THAP3: variants seen among roughly 807,000 people sequenced by gnomAD.
THAP3 encodes the protein THAP domain containing 3.
In THAP3, 12 loss-of-function variants were observed where a neutral mutation model predicts 17.7. That is an observed-to-expected ratio of 0.68 (90% CI 0.43 to 1.10). THAP3 has a LOEUF of 1.10. THAP3 is among the 50% of genes least tolerant of loss of function. THAP3 has a pLI of 0.00. For missense variants in THAP3, 289 were observed against 318.0 expected (o/e 0.91, Z 0.69); for synonymous variants, 133 against 126.9 (o/e 1.05, Z -0.32).
chr1:6,632,547 C>T, intron 5 of THAP3, 52 bp downstream of exon 5: 1 of 1,609,432 alleles, frequency 6.2e-7, no homozygotes, highest in Non-Finnish European at 8.5e-7. Context: ...TGACTTGCTC[C>T]AAACAAAATG....
chr1:6,632,669 T>C (rs1292610204), intron 5 of THAP3, 127 bp from the exon 6 acceptor site: 2 of 1,449,738 alleles, frequency 1.4e-6, no homozygotes, highest in Non-Finnish European at 1.9e-6. Flanking sequence ...CATCTGGATT[T>C]TGGGGGAGCA....
intron 1 of THAP3, 33 bp downstream of exon 1, chr1:6,624,987 G>A (rs1418325452): frequency 5.5e-6 from 3 of 543,242 alleles, no homozygotes; most frequent in African/African-American, 4.1e-5. Context: ...GCTAGGAGTT[G>A]GGGTTTCGGG....
downstream of THAP3, chr1:6,635,563 T>C (rs1244526686): frequency 2.6e-6 from 3 of 1,151,696 alleles, no homozygotes; most frequent in African/African-American, 4.7e-5. Flanking sequence ...CCACCTTCTA[T>C]AATAATAATA....
At chr1:6,631,816 G>T (rs901882608) in intron 4 of THAP3, among the ~76,000 whole-genome samples, 1 of 152,254 alleles carries the variant, frequency 6.6e-6, no homozygotes, top group East Asian at 1.9e-4. Context: ...GAACCCAGGG[G>T]GCGGAGGTTG....
downstream of THAP3, chr1:6,635,042 C>A: frequency 1.1e-5 from 3 of 278,498 alleles, no homozygotes; most frequent in Non-Finnish European, 1.9e-5. Flanking sequence ...CTGTCCCAAG[C>A]CGAGGGGGCC....
chr1:6,635,461 G>C, downstream of THAP3: 1 of 554,432 alleles, frequency 1.8e-6, no homozygotes, highest in Admixed American at 3.1e-5. Context: ...CCAGGCTGCA[G>C]TCTGGTTCCC....
chr1:6,632,587 G>T (rs1264437088), intron 5 of THAP3, 92 bp downstream of exon 5: 9 of 1,562,656 alleles, frequency 5.8e-6, no homozygotes, highest in Non-Finnish European at 7.8e-6. Context: ...CATGAGACCT[G>T]TGTGGCCGAG....
chr1:6,633,182 G>C lies in THAP3; in HGVS notation c.*105G>C. On this transcript the variant is annotated 3_prime_UTR_variant, in exon 6 of 6. Coordinates refer to ENST00000054650, the MANE Select transcript of THAP3 (RefSeq NM_001195753.2). ...GTCTGCTGTGGACACTGAGAAAGTT[G>C]GCCATGAGGCCTGCTTGGCCGGGGA... The C allele has an allele frequency of 6.8e-7, 1 of 1,472,710 alleles. No individual in the cohort carries two copies. The highest frequency in any genetic ancestry group is 1.4e-5 in the South Asian group (1 of 70,880). The allele number at this position is 1,472,710 out of a possible 1,614,324, so 91.2% of individuals were successfully genotyped here.
At chr1:6,632,356 G>T (rs556706357) in intron 4 of THAP3, 35 bp from the exon 5 acceptor site, 1 of 1,612,040 alleles carries the variant, frequency 6.2e-7, no homozygotes, top group Admixed American at 1.7e-5. Flanking sequence ...TGCATGTGCA[G>T]GGCTGTAGTG....
rs762207139 is a variant in THAP3, at chr1:6,633,014, C to T, written c.657C>T (p.Arg219=). The T allele has an allele frequency of 1.2e-6, 2 of 1,612,322 alleles. No homozygotes were observed. The highest frequency in any genetic ancestry group is 1.3e-5 in the African/African-American group (1 of 75,044). Residue 219 remains arginine (R), a synonymous_variant, in exon 6 of 6, where the codon CGC becomes CGT. Coordinates refer to ENST00000054650, the MANE Select transcript of THAP3 (RefSeq NM_001195753.2). ...TGGTGATGCGAAGGATGTCCAGCCGCCTCCGTGCTTGCAAAGGGCACCAGG... is the reference window on the plus strand; with the variant it reads ...TGGTGATGCGAAGGATGTCCAGCCGTCTCCGTGCTTGCAAAGGGCACCAGG... ...QRLVMRRMSS[R]LRACKGHQGL...
intron 2 of THAP3, 112 bp downstream of exon 2, chr1:6,625,404 C>G (rs1326790954): frequency 1.0e-6 from 1 of 986,054 alleles, no homozygotes; most frequent in Non-Finnish European, 1.3e-6. Context: ...CCGCTGGGCC[C>G]GGGGACAGGC....
At chr1:6,627,296 G>T (rs967678031) in intron 2 of THAP3, among the ~76,000 whole-genome samples, 1 of 152,284 alleles carries the variant, frequency 6.6e-6, no homozygotes, top group East Asian at 1.9e-4. Flanking sequence ...CTCCAGATGC[G>T]TGTGGCCGCC....
At chr1:6,631,059 C>T (rs921761485) in intron 4 of THAP3, among the ~76,000 whole-genome samples, 15 of 152,050 alleles carry the variant, frequency 9.9e-5, no homozygotes, top group African/African-American at 3.6e-4. Flanking sequence ...AGGCTCTGTA[C>T]AGTGGTGCAG....
At position 6,625,180 on chromosome 1, in the gene THAP3, G is replaced by A; in HGVS notation, c.-39G>A. The A allele has an allele frequency of 1.3e-6, 2 of 1,501,718 alleles. No homozygotes were observed. The highest frequency in any genetic ancestry group is 1.8e-6 in the Non-Finnish European group (2 of 1,121,698). 93.0% of individuals were successfully genotyped at this position (1,501,718 alleles called of 1,614,324 possible). On this transcript the variant is annotated 5_prime_UTR_variant, in exon 2 of 6. Transcript: ENST00000054650. ...TCCCCTCTCCGCAGGCCCCGCCGCCGCCGCCATCTTTGTTGGGGGCAGCCA... is the reference window on the plus strand; with the variant it reads ...TCCCCTCTCCGCAGGCCCCGCCGCCACCGCCATCTTTGTTGGGGGCAGCCA...
In THAP3 at chr1:6,628,513, G is replaced by T. The variant is rs1222696382; in HGVS notation, c.89G>T (p.Arg30Leu). Residue 30 changes from arginine to leucine, a missense_variant, in exon 3 of 6, where the codon CGC becomes CTC. Physicochemically the swap from Arg to Leu is moderately radical, Grantham distance 102. Coordinates refer to ENST00000054650, the MANE Select transcript of THAP3 (RefSeq NM_001195753.2). ...TCTGCCCTTAGGTTTCCGTTCAGCC[G>T]CCCGGAGCTGCTGAAGGAATGGGTG... The part of the protein sequence containing the change: ...QLTFHRFPFS[R>L]PELLKEWVLN... 5.0e-6 allele frequency: 8 copies of T among 1,612,422 alleles called. No individual in the cohort carries two copies. In the South Asian group the frequency reaches 5.5e-5, roughly 11 times the overall value.
At chr1:6,632,701 TG>T in intron 5 of THAP3, 94 bp from the exon 6 acceptor site, 1 of 1,514,606 alleles carries the variant, frequency 6.6e-7, no homozygotes, top group Non-Finnish European at 9.1e-7. Context: ...CTAGCTGCCC[TG>T]GGGTTGTGCT....
intron 2 of THAP3, among the ~76,000 whole-genome samples, chr1:6,626,312 TAAG>T (rs1384303757): frequency 6.7e-6 from 1 of 150,220 alleles, no homozygotes; most frequent in Non-Finnish European, 1.5e-5. Context: ...CATCTCAAAA[TAAG>T]AAATAAAACA....
chr1:6,633,020 T>C lies in THAP3; in HGVS notation c.663T>C (p.Arg221=), dbSNP rs1246755837. 6 of 1,612,088 alleles carry C rather than the reference T, an allele frequency of 3.7e-6. 1 individual carries two copies. In the South Asian group the frequency reaches 5.5e-5, roughly 15 times the overall value. Residue 221 remains arginine, a synonymous_variant, in exon 6 of 6, where the codon CGT becomes CGC. Coordinates refer to ENST00000054650, the MANE Select transcript of THAP3 (RefSeq NM_001195753.2). ...LVMRRMSSRL[R]ACKGHQGLQA... is the part of the protein sequence containing the mutation. ...TGCGAAGGATGTCCAGCCGCCTCCGTGCTTGCAAAGGGCACCAGGGACTCC... is the reference window on the plus strand; with the variant it reads ...TGCGAAGGATGTCCAGCCGCCTCCGCGCTTGCAAAGGGCACCAGGGACTCC...
At chr1:6,635,145 C>A (rs2148724726), downstream of THAP3, 1 of 170,908 alleles carries the variant, frequency 5.9e-6, no homozygotes. Flanking sequence ...TTTTATAAAC[C>A]CGCAATCTGC....
Sources: allele counts gnomAD v4.1 joint callset (sites outside exome capture counted in the v4.1 genomes callset), GRCh38; gene constraint gnomAD v4.1.1; transcripts MANE v1.5; gene names NCBI Gene and HGNC (gene_info 2026-07-23, HGNC 2026-07-21).